Variants in LYPLAL1 observed in about 807,000 individuals in gnomAD.
LYPLAL1 encodes lysophospholipase-like protein 1.
Under a neutral mutation model 19.7 loss-of-function variants are expected in LYPLAL1, and 23 were observed. The observed-to-expected ratio is 1.17, with a 90% CI of 0.84 to 1.65. The LOEUF (loss-of-function observed/expected upper bound fraction) is 1.65, where lower values mean the gene tolerates loss of function less well. Among genes scored for constraint, LYPLAL1 ranks in the 40% most tolerant of loss-of-function variants. The pLI is 0.00. For missense variants in LYPLAL1, 355 were observed against 279.4 expected (o/e 1.27, Z -1.93); for synonymous variants, 119 against 96.3 (o/e 1.24, Z -1.38).
chr1:219,282,002 G>C, the LYPLAL1 span, among the ~76,000 whole-genome samples: 7 of 152,126 alleles, frequency 4.6e-5, no homozygotes, highest in East Asian at 1.2e-3. Context: ...CCAGACATTA[G>C]AGGAAAATGT....
At chr1:219,390,049 C>T in the LYPLAL1 span, among the ~76,000 whole-genome samples, 1 of 151,344 alleles carries the variant, frequency 6.6e-6, no homozygotes, top group African/African-American at 2.5e-5. Context: ...ACAATTTTTA[C>T]ATTTGGTTCT....
At chr1:219,299,777 A>T in the LYPLAL1 span, among the ~76,000 whole-genome samples, 1 of 152,188 alleles carries the variant, frequency 6.6e-6, no homozygotes, top group African/African-American at 2.4e-5. Flanking sequence ...CCTGAAGGGA[A>T]AATGTTATCA....
chr1:219,204,083 G>C (rs965778024), intron 3 of LYPLAL1, among the ~76,000 whole-genome samples: 87 of 152,222 alleles, frequency 5.7e-4, no homozygotes, highest in Middle Eastern at 3.4e-3. Flanking sequence ...TCAGTTAAAG[G>C]GGGTTCCTTG....
chr1:219,251,996 CAT>C, the LYPLAL1 span, among the ~76,000 whole-genome samples: 36 of 152,078 alleles, frequency 2.4e-4, no homozygotes, highest in African/African-American at 8.4e-4. Flanking sequence ...CCTTTCACTT[CAT>C]GTGTATTCCT....
the LYPLAL1 span, among the ~76,000 whole-genome samples, chr1:219,359,362 A>G: frequency 6.6e-6 from 1 of 152,172 alleles, no homozygotes; most frequent in Non-Finnish European, 1.5e-5. Context: ...CCCTTTGACT[A>G]TTCCCAGTGT....
At chr1:219,197,417 C>A (rs1572187882) in intron 3 of LYPLAL1, among the ~76,000 whole-genome samples, 1 of 152,156 alleles carries the variant, frequency 6.6e-6, no homozygotes, top group Non-Finnish European at 1.5e-5. Context: ...AGTAAACTGG[C>A]TAGCCATATG....
In LYPLAL1 at chr1:219,193,198, A is replaced by G. The variant is rs1338738520; in HGVS notation, c.308A>G (p.Asp103Gly). 1 of 1,610,580 alleles carries G rather than the reference A, an allele frequency of 6.2e-7. No individual in the cohort carries two copies. Among genetic ancestry groups the G allele is most frequent in the African/African-American group, 1.3e-5 (1 of 74,732 alleles). ...GATGTCATGTGTCAAGTGCTTACTG[A>G]TTTGATTGATGAAGAAGTAAAAAGT... The part of the protein sequence containing the change: ...SIDVMCQVLT[D>G]LIDEEVKSGI... The change falls in exon 3 of 5, where the codon GAT becomes GGT. Residue 103 changes from aspartate (D) to glycine (G), a missense_variant. Physicochemically the swap from Asp to Gly is moderately conservative, Grantham distance 94. Transcript: ENST00000366928.
At chr1:219,187,339 G>A (rs1324927259) in intron 2 of LYPLAL1, among the ~76,000 whole-genome samples, 1 of 151,430 alleles carries the variant, frequency 6.6e-6, no homozygotes. Context: ...GCTAAGGTAG[G>A]GGCATAGTCA....
At chr1:219,416,613 A>G in the LYPLAL1 span, among the ~76,000 whole-genome samples, 2 of 152,216 alleles carry the variant, frequency 1.3e-5, no homozygotes, top group Admixed American at 6.5e-5. Context: ...ATGCAAATTA[A>G]GAGGTTGATC....
chr1:219,419,594 C>CACACACAG, the LYPLAL1 span, among the ~76,000 whole-genome samples: 4,661 of 99,398 alleles, frequency 0.047, 169 homozygotes, highest in Non-Finnish European at 0.051. Context: ...CACACACACA[C>CACACACAG]AGAGAGAGAG....
the LYPLAL1 span, among the ~76,000 whole-genome samples, chr1:219,320,249 C>T: frequency 9.9e-5 from 15 of 152,078 alleles, no homozygotes; most frequent in East Asian, 5.8e-4. Flanking sequence ...CTATACTGGT[C>T]CTGCCTTCTC....
At chr1:219,302,901 C>T in the LYPLAL1 span, among the ~76,000 whole-genome samples, 49,069 of 151,988 alleles carry the variant, frequency 0.32, 8,378 homozygotes, top group East Asian at 0.61. Flanking sequence ...CCATTCACCA[C>T]TCGTTGGTGG....
chr1:219,240,984 C>T, the LYPLAL1 span, among the ~76,000 whole-genome samples: 8 of 150,996 alleles, frequency 5.3e-5, no homozygotes, highest in Admixed American at 5.3e-4. Flanking sequence ...TCACTTGAGC[C>T]CAGGGGTTCA....
chr1:219,209,323 T>C (rs1221209693), intron 3 of LYPLAL1, among the ~76,000 whole-genome samples: 1 of 152,116 alleles, frequency 6.6e-6, no homozygotes, highest in Non-Finnish European at 1.5e-5. Context: ...CAAAATAATA[T>C]TACCTGCCTA....
the LYPLAL1 span, among the ~76,000 whole-genome samples, chr1:219,386,994 A>G: frequency 6.6e-6 from 1 of 152,152 alleles, no homozygotes; most frequent in African/African-American, 2.4e-5. Flanking sequence ...AACAATGCAG[A>G]CCTGATCATA....
At chr1:219,426,151 G>T in the LYPLAL1 span, among the ~76,000 whole-genome samples, 36 of 152,262 alleles carry the variant, frequency 2.4e-4, no homozygotes, top group South Asian at 5.0e-3. Flanking sequence ...TGGGTAATTT[G>T]GGCTTGTTTG....
the LYPLAL1 span, among the ~76,000 whole-genome samples, chr1:219,431,795 C>A: frequency 6.6e-6 from 1 of 152,326 alleles, no homozygotes; most frequent in Middle Eastern, 3.4e-3. Context: ...GGCAATGAGA[C>A]AACATCATAT....
At chr1:219,356,469 C>T in the LYPLAL1 span, among the ~76,000 whole-genome samples, 1 of 152,156 alleles carries the variant, frequency 6.6e-6, no homozygotes, top group African/African-American at 2.4e-5. Flanking sequence ...CATTGCACTC[C>T]AGCCTGGGCA....
chr1:219,253,551 A>T, the LYPLAL1 span, among the ~76,000 whole-genome samples: 1 of 151,946 alleles, frequency 6.6e-6, no homozygotes, highest in Non-Finnish European at 1.5e-5. Context: ...GTCATTCCAG[A>T]GCATGCTGTT....
Sources: allele counts gnomAD v4.1 joint callset (sites outside exome capture counted in the v4.1 genomes callset), GRCh38; gene constraint gnomAD v4.1.1; transcripts MANE v1.5; gene names NCBI Gene and HGNC (gene_info 2026-07-23, HGNC 2026-07-21).